The following CHIC2 variants were observed in gnomAD, a reference collection of about 807,000 sequenced individuals.
The protein encoded by CHIC2 is cysteine-rich hydrophobic domain-containing protein 2.
A neutral mutation model predicts 25.9 loss-of-function variants in CHIC2; 14 were observed. The ratio of observed to expected loss-of-function variants is 0.54; its 90% confidence interval spans 0.36 to 0.85. CHIC2 has a LOEUF of 0.85. CHIC2 is among the 40% of genes least tolerant of loss of function. The pLI, the probability that CHIC2 is intolerant of heterozygous loss-of-function variation, is 0.01. For missense variants in CHIC2, 146 were observed against 202.0 expected, an observed-to-expected ratio of 0.72 and a Z score of 1.68; for synonymous variants, 70 against 72.0, an observed-to-expected ratio of 0.97 and a Z score of 0.14.
At chr4:54,029,182 G>C (rs956010100) in intron 3 of CHIC2, among the ~76,000 whole-genome samples, 1 of 150,522 alleles carries the variant, frequency 6.6e-6, no homozygotes, top group Non-Finnish European at 1.5e-5. Flanking sequence ...GTTTTATTAA[G>C]TGTAAAAGAA....
chr4:54,080,295 A>ATCTT, the CHIC2 span, among the ~76,000 whole-genome samples: 1 of 152,026 alleles, frequency 6.6e-6, no homozygotes, highest in Non-Finnish European at 1.5e-5. Flanking sequence ...AGACAAAGAA[A>ATCTT]GACAAATGCT....
upstream of CHIC2, among the ~76,000 whole-genome samples, chr4:54,068,813 C>A (rs1434673818): frequency 6.6e-6 from 1 of 152,158 alleles, no homozygotes; most frequent in Non-Finnish European, 1.5e-5. Context: ...GCTCAGTCCG[C>A]AAGACTGCAC....
chr4:54,066,993 C>T (rs775994670), upstream of CHIC2, among the ~76,000 whole-genome samples: 4 of 152,206 alleles, frequency 2.6e-5, no homozygotes, highest in Non-Finnish European at 4.4e-5. Context: ...GAGGAAGCCA[C>T]ACAGAGCTCC....
At chr4:54,042,038 C>G (rs1311546756) in intron 3 of CHIC2, among the ~76,000 whole-genome samples, 1 of 151,146 alleles carries the variant, frequency 6.6e-6, no homozygotes. Context: ...AAAAAAAATC[C>G]AAATTATTTT....
chr4:54,089,705 C>T, the CHIC2 span, among the ~76,000 whole-genome samples: 1 of 152,104 alleles, frequency 6.6e-6, no homozygotes, highest in East Asian at 1.9e-4. Flanking sequence ...ATATTCAGCT[C>T]CTATAGGTTC....
intron 1 of CHIC2, among the ~76,000 whole-genome samples, chr4:54,063,775 GC>G (rs1286119025): frequency 6.6e-6 from 1 of 152,236 alleles, no homozygotes; most frequent in Non-Finnish European, 1.5e-5. Context: ...GTCTCACACG[GC>G]CCAGATCTGG....
At chr4:54,019,928 A>T (rs183242727) in intron 3 of CHIC2, among the ~76,000 whole-genome samples, 6 of 152,314 alleles carry the variant, frequency 3.9e-5, no homozygotes, top group Admixed American at 3.3e-4. Flanking sequence ...TAAGAGATAA[A>T]AATTAATAAA....
At chr4:54,071,382 A>G in the CHIC2 span, among the ~76,000 whole-genome samples, 1 of 152,370 alleles carries the variant, frequency 6.6e-6, no homozygotes, top group East Asian at 1.9e-4. Flanking sequence ...AGCACTTTGT[A>G]CAAATCAACC....
chr4:54,049,664 A>C (rs1481400522), intron 1 of CHIC2, among the ~76,000 whole-genome samples: 6 of 152,176 alleles, frequency 3.9e-5, no homozygotes, highest in Non-Finnish European at 8.8e-5. Context: ...TCCAGCTTTT[A>C]ATGTTATTGG....
chr4:54,078,886 T>C, the CHIC2 span, among the ~76,000 whole-genome samples: 108 of 152,250 alleles, frequency 7.1e-4, no homozygotes, highest in African/African-American at 2.3e-3. Context: ...CTTTGAAATT[T>C]TACTATATAC....
At chr4:54,015,293 C>A (rs1037023777) in intron 3 of CHIC2, among the ~76,000 whole-genome samples, 1 of 151,954 alleles carries the variant, frequency 6.6e-6, no homozygotes. Context: ...AATAATATGC[C>A]AATGACTAAT....
the CHIC2 span, among the ~76,000 whole-genome samples, chr4:54,077,857 A>G: frequency 6.6e-6 from 1 of 152,304 alleles, no homozygotes; most frequent in Admixed American, 6.5e-5. Flanking sequence ...GAGCATTCTT[A>G]TTAGTATCAC....
At position 54,014,084 on chromosome 4, in the gene CHIC2, T is replaced by C; in HGVS notation, c.366A>G (p.Glu122=). The C allele has an allele frequency of 6.2e-7, 1 of 1,613,468 alleles. No individual in the cohort carries two copies. The highest frequency in any genetic ancestry group is 8.5e-7 in the Non-Finnish European group (1 of 1,179,576). Residue 122 remains glutamate (E), a synonymous_variant, in exon 4 of 6, where the codon GAA becomes GAG. Transcript: ENST00000263921. ...RRSIEKLLEW[E]NNRLYHKLCL... The stretch of plus-strand genomic sequence containing the variant: ...TCACCTTGTGGTATAACCTATTGTT[T>C]TCCCATTCTAATAACTTCTCAATCG...
At chr4:54,047,350 G>A (rs997073314) in intron 3 of CHIC2, among the ~76,000 whole-genome samples, 34 of 152,190 alleles carry the variant, frequency 2.2e-4, no homozygotes, top group Admixed American at 1.3e-3. Flanking sequence ...ACATGCACAC[G>A]TATGGTTATT....
At chr4:54,033,937 T>C (rs1431209309) in intron 3 of CHIC2, among the ~76,000 whole-genome samples, 2 of 152,138 alleles carry the variant, frequency 1.3e-5, no homozygotes, top group African/African-American at 2.4e-5. Flanking sequence ...TTGGGTAGCG[T>C]TGGTTCTCCA....
intron 3 of CHIC2, among the ~76,000 whole-genome samples, chr4:54,037,546 C>A (rs1471233069): frequency 6.6e-6 from 1 of 152,050 alleles, no homozygotes; most frequent in African/African-American, 2.4e-5. Context: ...CAAAACTCAT[C>A]AAATAATATA....
In CHIC2 at chr4:54,013,842, C is replaced by A; in HGVS notation, c.442G>T (p.Glu148Ter). The A allele has an allele frequency of 6.2e-7, 1 of 1,612,932 alleles. No homozygotes were observed. The highest frequency in any genetic ancestry group is 8.5e-7 in the Non-Finnish European group (1 of 1,179,188). The change falls in exon 5 of 6, where the codon GAA becomes TAA. Residue 148 changes from glutamate to a stop codon, truncating the protein, a stop_gained. Transcript: ENST00000263921. LOFTEE classifies it high-confidence loss of function. ...KRKCETNNMM[E>*]YVILIEFLPK... ...AAAACAGCCCTTTAACTTACATATT[C>A]CATCATGTTATTCGTTTCACATTTC... is the stretch of plus-strand genomic sequence containing the variant.
intron 1 of CHIC2, chr4:54,059,757 C>T (rs1249501754): frequency 6.6e-6 from 1 of 152,000 alleles, no homozygotes; most frequent in Non-Finnish European, 1.5e-5. Flanking sequence ...GCAATTCTGA[C>T]AAAATCCAAA....
chr4:54,055,859 G>T (rs1445473467), intron 1 of CHIC2, among the ~76,000 whole-genome samples: 1 of 152,094 alleles, frequency 6.6e-6, no homozygotes, highest in Non-Finnish European at 1.5e-5. Flanking sequence ...AGGAGGATGG[G>T]ATCTAATTGA....
Sources: allele counts gnomAD v4.1 joint callset (sites outside exome capture counted in the v4.1 genomes callset), GRCh38; gene constraint gnomAD v4.1.1; transcripts MANE v1.5; gene names NCBI Gene and HGNC (gene_info 2026-07-23, HGNC 2026-07-21).